Variants in LRP1B observed in about 807,000 individuals in gnomAD.
LRP1B encodes low-density lipoprotein receptor-related protein 1B.
A neutral mutation model predicts 556.6 loss-of-function variants in LRP1B; 217 were observed. The observed-to-expected ratio is 0.39, with a 90% CI of 0.35 to 0.44. The LOEUF is 0.44. Ranked by LOEUF, LRP1B falls within the 20% of genes least tolerant of loss-of-function variation. LRP1B has a pLI of 1.00. For synonymous variants in LRP1B, 2,047 were observed against 1,865.8 expected (o/e 1.10, Z -2.50); for missense variants, 5,053 against 5,620.8 (o/e 0.90, Z 3.23).
intron 46 of LRP1B, 92 bp from the exon 47 acceptor site, chr2:140,534,232 C>T: frequency 8.5e-7 from 1 of 1,173,202 alleles, no homozygotes; most frequent in East Asian, 2.5e-5. Flanking sequence ...TTCATAATGA[C>T]TGGATTATGG....
intron 2 of LRP1B, among the ~76,000 whole-genome samples, chr2:141,564,883 A>T (rs1161411331): frequency 6.6e-6 from 1 of 152,054 alleles, no homozygotes; most frequent in African/African-American, 2.4e-5. Context: ...AAGGGTTTTT[A>T]AAAATAAAAC....
chr2:141,224,196 C>A (rs372447698), intron 6 of LRP1B, among the ~76,000 whole-genome samples: 4 of 151,788 alleles, frequency 2.6e-5, no homozygotes, highest in Non-Finnish European at 5.9e-5. Context: ...AGGACATGAA[C>A]AAACACCTCA....
rs534805109 is a variant in LRP1B, at chr2:141,804,833, G to T, written c.205+5446C>A. 6.6e-5 allele frequency among the ~76,000 whole-genome samples: 10 copies of T among 152,072 alleles called. 1 individual carries two copies. In the East Asian group the frequency reaches 1.8e-3, roughly 27 times the overall value. ...AGATGGGATAATGAAGGCACAATAT[G>T]GTTAAATTAGTTGTCCAAGAGCAAA... On this transcript the variant is annotated intron_variant, in intron 2 of 90. Transcript: ENST00000389484.
intron 32 of LRP1B, among the ~76,000 whole-genome samples, chr2:140,784,421 C>CACACACAA (rs1491135149): frequency 6.8e-6 from 1 of 146,588 alleles, no homozygotes; most frequent in Non-Finnish European, 1.5e-5. Flanking sequence ...CACACACACA[C>CACACACAA]AAAAGGCTCA....
intron 2 of LRP1B, among the ~76,000 whole-genome samples, chr2:141,597,746 A>G (rs965853587): frequency 2.0e-5 from 3 of 151,888 alleles, no homozygotes. Flanking sequence ...ACTTCTTTTA[A>G]GGTACTTATG....
intron 88 of LRP1B, 91 bp downstream of exon 88, chr2:140,239,351 A>G (rs373387267): frequency 4.5e-5 from 34 of 753,562 alleles, no homozygotes; most frequent in Admixed American, 4.0e-4. Context: ...TAACTAAATC[A>G]TGTTTAAAAA....
chr2:142,003,729 T>C (rs1473028562), intron 1 of LRP1B, among the ~76,000 whole-genome samples: 1 of 152,220 alleles, frequency 6.6e-6, no homozygotes, highest in African/African-American at 2.4e-5. Flanking sequence ...TAAGAATGGC[T>C]ACCGTGTACT....
chr2:140,692,735 GTGTTT>G (rs1344378237), intron 41 of LRP1B, among the ~76,000 whole-genome samples: 1 of 152,020 alleles, frequency 6.6e-6, no homozygotes, highest in East Asian at 1.9e-4. Flanking sequence ...TACACCACTA[GTGTTT>G]TGTTTTGTCT....
intron 3 of LRP1B, among the ~76,000 whole-genome samples, chr2:141,424,809 T>C (rs896217276): frequency 2.0e-5 from 3 of 152,228 alleles, no homozygotes; most frequent in African/African-American, 7.2e-5. Flanking sequence ...ATTTACTCAA[T>C]GCACATTCCT....
chr2:141,330,168 G>T (rs762921306), intron 3 of LRP1B, among the ~76,000 whole-genome samples: 6 of 152,134 alleles, frequency 3.9e-5, no homozygotes, highest in Admixed American at 1.3e-4. Flanking sequence ...GCACAAATTT[G>T]AACTTAGTAC....
At chr2:141,585,124 C>T (rs896388609) in intron 2 of LRP1B, among the ~76,000 whole-genome samples, 1 of 152,152 alleles carries the variant, frequency 6.6e-6, no homozygotes, top group Non-Finnish European at 1.5e-5. Context: ...CTCTTTCCCT[C>T]GCACAACCTG....
At chr2:141,375,409 G>C (rs1689390738) in intron 3 of LRP1B, among the ~76,000 whole-genome samples, 1 of 152,038 alleles carries the variant, frequency 6.6e-6, no homozygotes, top group Non-Finnish European at 1.5e-5. Context: ...TGGGTGTGTG[G>C]GTGAATTCTC....
intron 3 of LRP1B, among the ~76,000 whole-genome samples, chr2:141,271,806 G>A (rs1685104522): frequency 2.0e-5 from 3 of 148,928 alleles, no homozygotes; most frequent in Admixed American, 2.0e-4. Context: ...TAATGATATA[G>A]CTAAGTATAA....
At chr2:140,264,691 AT>A (rs902522682) in intron 86 of LRP1B, among the ~76,000 whole-genome samples, 2 of 130,754 alleles carry the variant, frequency 1.5e-5, no homozygotes, top group Non-Finnish European at 1.6e-5. Context: ...AAAAAAAAAA[AT>A]TGTCTATATA....
At position 140,485,387 on chromosome 2, in the gene LRP1B, T is replaced by G. The variant is rs371238595; in HGVS notation, c.9381A>C (p.Lys3127Asn). 5 of 1,612,784 alleles carry G rather than the reference T, an allele frequency of 3.1e-6. No individual in the cohort carries two copies. Among genetic ancestry groups the G allele is most frequent in the Non-Finnish European group, 4.2e-6 (5 of 1,179,544 alleles). The change falls in exon 59 of 91, where the codon AAA (lysine) becomes AAC (asparagine). Residue 3127 changes from lysine to asparagine, a missense_variant. Transcript: ENST00000389484. ...NGLYPTILVS[K>N]RLKFPRDLSL... ...ACAAGTCTCTGGGAAACTTCAGCCT[T>G]TTGCTAACGAGTATAGTAGGGTACA...
At chr2:140,612,344 A>C (rs1410612785) in intron 41 of LRP1B, among the ~76,000 whole-genome samples, 2 of 152,154 alleles carry the variant, frequency 1.3e-5, no homozygotes, top group African/African-American at 2.4e-5. Context: ...GAGTTTCTTA[A>C]ATTTATTTTT....
intron 83 of LRP1B, among the ~76,000 whole-genome samples, chr2:140,304,455 T>C (rs960759180): frequency 3.3e-5 from 5 of 152,224 alleles, no homozygotes; most frequent in Non-Finnish European, 7.3e-5. Flanking sequence ...CATAAATGTC[T>C]TCTTTTGAGA....
intron 2 of LRP1B, among the ~76,000 whole-genome samples, chr2:141,698,769 A>T (rs2105458195): frequency 6.6e-6 from 1 of 151,768 alleles, no homozygotes; most frequent in South Asian, 2.1e-4. Context: ...ATTAACTTAG[A>T]GCAGTGATTT....
chr2:141,159,923 A>C (rs1031184786), intron 7 of LRP1B, among the ~76,000 whole-genome samples: 1 of 152,096 alleles, frequency 6.6e-6, no homozygotes, highest in African/African-American at 2.4e-5. Flanking sequence ...GTTCTCACTT[A>C]TAAGTGGGAA....
Sources: allele counts gnomAD v4.1 joint callset (sites outside exome capture counted in the v4.1 genomes callset), GRCh38; gene constraint gnomAD v4.1.1; transcripts MANE v1.5; gene names NCBI Gene and HGNC (gene_info 2026-07-23, HGNC 2026-07-21).